CHSY3: variants seen among roughly 807,000 people sequenced by gnomAD.
CHSY3 encodes the protein chondroitin sulfate synthase 3, also known as N-acetylgalactosaminyl-proteoglycan 3-beta-glucuronosyltransferase 3.
A neutral mutation model predicts 67.2 loss-of-function variants in CHSY3; 35 were observed. The ratio of observed to expected loss-of-function variants is 0.52; its 90% CI spans 0.40 to 0.69. The LOEUF is 0.69. CHSY3 is among the 30% of genes least tolerant of loss of function. The pLI is 0.00. For synonymous variants in CHSY3, 474 were observed against 434.7 expected, an observed-to-expected ratio of 1.09 and a Z score of -1.12; for missense variants, 1,069 against 1,138.5, an observed-to-expected ratio of 0.94 and a Z score of 0.88.
At chr5:130,048,828 G>C (rs1349990153) in intron 2 of CHSY3, among the ~76,000 whole-genome samples, 1 of 152,056 alleles carries the variant, frequency 6.6e-6, no homozygotes, top group Non-Finnish European at 1.5e-5. Flanking sequence ...CCAGAGGCTA[G>C]GGAGTTGAGT....
chr5:129,987,423 C>T (rs1030545783), intron 2 of CHSY3, among the ~76,000 whole-genome samples: 5 of 152,130 alleles, frequency 3.3e-5, no homozygotes, highest in African/African-American at 1.2e-4. Context: ...TTAAACAGAA[C>T]TTAGGACACA....
At chr5:130,133,948 C>T (rs1768575970) in intron 2 of CHSY3, among the ~76,000 whole-genome samples, 1 of 152,068 alleles carries the variant, frequency 6.6e-6, no homozygotes, top group African/African-American at 2.4e-5. Context: ...TTCATAAAAA[C>T]TATACCAGAT....
chr5:130,085,870 G>A (rs978605729), intron 2 of CHSY3, among the ~76,000 whole-genome samples: 2 of 151,952 alleles, frequency 1.3e-5, no homozygotes, highest in African/African-American at 4.8e-5. Context: ...GTTATGTACT[G>A]AGTAGTCATT....
intron 2 of CHSY3, among the ~76,000 whole-genome samples, chr5:130,053,782 A>G (rs1333794147): frequency 6.6e-6 from 1 of 152,210 alleles, no homozygotes; most frequent in African/African-American, 2.4e-5. Context: ...CATTAATGAT[A>G]GAAATCATGA....
chr5:130,000,732 C>CTTTT (rs71000946), intron 2 of CHSY3, among the ~76,000 whole-genome samples: 1,300 of 76,472 alleles, frequency 0.017, 207 homozygotes, highest in African/African-American at 0.029. Flanking sequence ...AACTTTTCTT[C>CTTTT]TTTTTTTTTT....
intron 2 of CHSY3, among the ~76,000 whole-genome samples, chr5:130,002,970 A>G (rs1206381018): frequency 6.6e-6 from 1 of 152,166 alleles, no homozygotes; most frequent in East Asian, 1.9e-4. Context: ...TGTTTTAAAA[A>G]CATTTCCTGT....
intron 2 of CHSY3, among the ~76,000 whole-genome samples, chr5:130,008,177 T>C (rs1165742896): frequency 6.6e-6 from 1 of 152,162 alleles, no homozygotes; most frequent in East Asian, 1.9e-4. Context: ...TACATGTACA[T>C]GGACTCAACT....
intron 2 of CHSY3, among the ~76,000 whole-genome samples, chr5:130,003,248 T>C (rs950897137): frequency 3.3e-5 from 5 of 152,178 alleles, no homozygotes; most frequent in Admixed American, 3.3e-4. Context: ...TTTCATGAGG[T>C]ACAATGCCAT....
At chr5:130,140,981 G>A in intron 2 of CHSY3, 1 of 653,768 alleles carries the variant, frequency 1.5e-6, no homozygotes, top group Non-Finnish European at 1.9e-6. Context: ...CGTAGAGAAG[G>A]CCCTTGGAAA....
chr5:130,041,543 A>T (rs964123664), intron 2 of CHSY3, among the ~76,000 whole-genome samples: 1 of 152,164 alleles, frequency 6.6e-6, no homozygotes, highest in African/African-American at 2.4e-5. Flanking sequence ...ACTAGTCAAC[A>T]TATAAACTGA....
chr5:129,912,435 T>C (rs2149577303), intron 2 of CHSY3, among the ~76,000 whole-genome samples: 1 of 152,260 alleles, frequency 6.6e-6, no homozygotes, highest in African/African-American at 2.4e-5. Flanking sequence ...CCTCCTGGTG[T>C]ACCTCAGGTC....
At chr5:130,074,257 G>A (rs191112483) in intron 2 of CHSY3, among the ~76,000 whole-genome samples, 1 of 152,032 alleles carries the variant, frequency 6.6e-6, no homozygotes, top group Admixed American at 6.6e-5. Context: ...TTTTAGTACA[G>A]ATGGAGTTTC....
Position 130,184,464 on chromosome 5 carries a change from A to C in CHSY3, c.1322A>C (p.Lys441Thr). ...MSKLSNTEVSKEDQQLGVIPS... is the reference protein window; with the variant it reads ...MSKLSNTEVSTEDQQLGVIPS... ...AAGCTCAGTAACACAGAAGTGAGCAAAGAGGACCAGCAGCTGGGAGTGATA... is the reference window on the plus strand; with the variant it reads ...AAGCTCAGTAACACAGAAGTGAGCACAGAGGACCAGCAGCTGGGAGTGATA... Residue 441 changes from lysine (K) to threonine (T), a missense_variant, in exon 3 of 3, where the codon AAA becomes ACA. Lys to Thr is a moderately conservative substitution (Grantham distance 78). This residue lies in a region of CHSY3 where 401 missense variants were observed against 395.2 expected (regional missense o/e 1.01). Coordinates refer to ENST00000305031, the MANE Select transcript of CHSY3 (RefSeq NM_175856.5). The C allele has an allele frequency of 6.2e-7, 1 of 1,613,590 alleles. No individual in the cohort carries two copies. The highest frequency in any genetic ancestry group is 8.5e-7 in the Non-Finnish European group (1 of 1,179,522).
chr5:129,986,622 AG>A (rs1264672668), intron 2 of CHSY3, among the ~76,000 whole-genome samples: 1 of 152,056 alleles, frequency 6.6e-6, no homozygotes, highest in Non-Finnish European at 1.5e-5. Context: ...TTATCAGAAA[AG>A]GTTTCTTTCC....
chr5:130,018,718 A>C (rs1454351774), intron 2 of CHSY3, among the ~76,000 whole-genome samples: 1 of 152,068 alleles, frequency 6.6e-6, no homozygotes, highest in Non-Finnish European at 1.5e-5. Flanking sequence ...TCCGCACCAA[A>C]TCTTACGTTG....
At chr5:130,044,515 G>T (rs917654054) in intron 2 of CHSY3, among the ~76,000 whole-genome samples, 2 of 152,096 alleles carry the variant, frequency 1.3e-5, no homozygotes, top group Non-Finnish European at 2.9e-5. Context: ...GAAAATAGTT[G>T]CTGGAGAGAA....
At chr5:130,068,211 T>C (rs1715754205) in intron 2 of CHSY3, among the ~76,000 whole-genome samples, 1 of 152,186 alleles carries the variant, frequency 6.6e-6, no homozygotes, top group South Asian at 2.1e-4. Flanking sequence ...ATTAGCTCTA[T>C]AATTGCAAGT....
intron 2 of CHSY3, among the ~76,000 whole-genome samples, chr5:130,155,840 A>C (rs1244529156): frequency 2.0e-5 from 3 of 152,226 alleles, no homozygotes; most frequent in Admixed American, 2.0e-4. Context: ...TCTATTAAGC[A>C]GCTGTTCGGC....
At chr5:129,921,900 C>T (rs1012437264) in intron 2 of CHSY3, among the ~76,000 whole-genome samples, 3 of 152,122 alleles carry the variant, frequency 2.0e-5, no homozygotes, top group African/African-American at 7.2e-5. Flanking sequence ...CTATTTTCAT[C>T]TATAGTCACC....
Sources: gnomAD v4.1 joint callset for allele counts (sites outside exome capture counted in the v4.1 genomes callset) on GRCh38, gnomAD v4.1.1 for gene constraint, gnomAD v4.1.1 regional missense constraint, MANE v1.5 for transcripts, NCBI Gene and HGNC (gene_info 2026-07-23, HGNC 2026-07-21) for gene names.